Variants in CSMD1 observed in about 807,000 individuals in gnomAD.
The protein encoded by CSMD1 is CUB and Sushi multiple domains 1, also known as CUB and sushi domain-containing protein 1.
CSMD1 carries 213 observed loss-of-function variants against 417.5 expected under a neutral mutation model. The observed-to-expected ratio is 0.51, with a 90% CI of 0.46 to 0.57. CSMD1 has a LOEUF of 0.57. Ranked by LOEUF, CSMD1 falls within the 20% of genes least tolerant of loss-of-function variation. The pLI is 0.00. For synonymous variants in CSMD1, 2,862 were observed against 1,736.8 expected (o/e 1.65, Z -16.11); for missense variants, 6,923 against 4,529.7 (o/e 1.53, Z -15.17).
At chr8:4,606,127 A>G (rs1800855083) in intron 2 of CSMD1, among the ~76,000 whole-genome samples, 1 of 152,192 alleles carries the variant, frequency 6.6e-6, no homozygotes. Context: ...GACTTGCAGG[A>G]TTAATTCACA....
intron 2 of CSMD1, among the ~76,000 whole-genome samples, chr8:4,558,649 C>G (rs1418503406): frequency 6.6e-6 from 1 of 152,040 alleles, no homozygotes; most frequent in African/African-American, 2.4e-5. Context: ...GCTGGATCAT[C>G]TGAGGTCAGG....
Position 4,646,892 on chromosome 8 carries a change from T to C in CSMD1, c.86-9334A>G, listed in dbSNP as rs1298990123. On this transcript the variant is annotated intron_variant, in intron 1 of 69. Coordinates refer to ENST00000635120, the MANE Select transcript of CSMD1 (RefSeq NM_033225.6). ...TGGAGACCTGAATCATGACAAATTA[T>C]GAGCAGATTTTTTTAACCTCATCAA... Among the ~76,000 whole-genome samples the C allele has an allele frequency of 2.6e-5, 4 of 152,194 alleles. No individual in the cohort carries two copies. In the South Asian group the frequency reaches 8.3e-4, roughly 31 times the overall value.
intron 3 of CSMD1, among the ~76,000 whole-genome samples, chr8:4,281,117 TG>T (rs1796757908): frequency 6.6e-6 from 1 of 152,210 alleles, no homozygotes; most frequent in African/African-American, 2.4e-5. Context: ...AGGCCTCTGC[TG>T]GCCCCTAGGT....
chr8:3,045,358 A>G (rs558804725), intron 50 of CSMD1, among the ~76,000 whole-genome samples: 46 of 152,292 alleles, frequency 3.0e-4, no homozygotes, highest in Admixed American at 9.2e-4. Context: ...TAACTTCTTT[A>G]AAGCAATTGT....
intron 36 of CSMD1, among the ~76,000 whole-genome samples, chr8:3,182,158 T>C (rs1023107459): frequency 6.6e-6 from 1 of 152,126 alleles, no homozygotes; most frequent in African/African-American, 2.4e-5. Flanking sequence ...AAGAAATAAG[T>C]TGATAATTAT....
chr8:4,539,824 T>C (rs923123451), intron 2 of CSMD1, among the ~76,000 whole-genome samples: 1 of 152,194 alleles, frequency 6.6e-6, no homozygotes, highest in African/African-American at 2.4e-5. Context: ...AAGCATTATG[T>C]GTATGAAATA....
chr8:3,739,208 C>G (rs750562431), intron 6 of CSMD1, among the ~76,000 whole-genome samples: 5 of 152,176 alleles, frequency 3.3e-5, no homozygotes, highest in Non-Finnish European at 7.3e-5. Flanking sequence ...GCAATCCCCA[C>G]TCCTGTCCTC....
intron 3 of CSMD1, among the ~76,000 whole-genome samples, chr8:4,159,182 C>A (rs145599955): frequency 6.6e-6 from 1 of 152,156 alleles, no homozygotes; most frequent in Admixed American, 6.5e-5. Flanking sequence ...TCCCAAAGTG[C>A]TGGGATTACA....
At chr8:4,448,139 T>G (rs1013995767) in intron 2 of CSMD1, among the ~76,000 whole-genome samples, 6 of 152,236 alleles carry the variant, frequency 3.9e-5, no homozygotes, top group African/African-American at 7.2e-5. Context: ...TTTACCAATG[T>G]GTATCGCTCG....
At chr8:3,879,280 T>A (rs779383167) in intron 5 of CSMD1, among the ~76,000 whole-genome samples, 1 of 152,178 alleles carries the variant, frequency 6.6e-6, no homozygotes, top group East Asian at 1.9e-4. Flanking sequence ...TCAATATGTA[T>A]CAATATCAAA....
intron 50 of CSMD1, among the ~76,000 whole-genome samples, chr8:3,039,291 T>C (rs1377268694): frequency 6.6e-6 from 1 of 151,608 alleles, no homozygotes; most frequent in Admixed American, 6.6e-5. Flanking sequence ...CTTCTTTTCC[T>C]TACTTCCTTC....
chr8:4,671,039 ATT>A (rs1805289716), intron 1 of CSMD1, among the ~76,000 whole-genome samples: 1 of 152,190 alleles, frequency 6.6e-6, no homozygotes, highest in Admixed American at 6.5e-5. Flanking sequence ...TCCACTAATA[ATT>A]CTCAACACAG....
At chr8:3,180,218 A>G (rs750306) in intron 37 of CSMD1, among the ~76,000 whole-genome samples, 6,827 of 152,320 alleles carry the variant, frequency 0.045, 198 homozygotes, top group East Asian at 0.15. Flanking sequence ...GCCAAAAAAG[A>G]TCTGTGAATC....
intron 49 of CSMD1, among the ~76,000 whole-genome samples, chr8:3,083,155 G>T (rs1437819790): frequency 6.6e-6 from 1 of 151,770 alleles, no homozygotes; most frequent in Non-Finnish European, 1.5e-5. Context: ...CACATAAACG[G>T]TGACGATTCT....
intron 2 of CSMD1, among the ~76,000 whole-genome samples, chr8:4,578,332 A>ATT (rs1172600205): frequency 0.025 from 1,231 of 48,746 alleles, 166 homozygotes; most frequent in South Asian, 0.05. Context: ...CACCCGGCTC[A>ATT]TTTTTTTTTT....
chr8:4,212,853 G>A (rs1800404292), intron 3 of CSMD1, among the ~76,000 whole-genome samples: 1 of 144,066 alleles, frequency 6.9e-6, no homozygotes, highest in Non-Finnish European at 1.5e-5. Flanking sequence ...TTCTAGTCCA[G>A]CTTTCCATCC....
intron 26 of CSMD1, among the ~76,000 whole-genome samples, chr8:3,266,397 G>C (rs1018216214): frequency 6.6e-6 from 1 of 151,696 alleles, no homozygotes; most frequent in Non-Finnish European, 1.5e-5. Context: ...CCTGAGACTA[G>C]GAGATTGAGA....
chr8:3,805,449 G>C (rs1292992096), intron 5 of CSMD1, among the ~76,000 whole-genome samples: 1 of 152,250 alleles, frequency 6.6e-6, no homozygotes, highest in Middle Eastern at 3.4e-3. Flanking sequence ...GAGCAGAAAT[G>C]ATCTACTCCC....
intron 49 of CSMD1, among the ~76,000 whole-genome samples, chr8:3,069,541 A>AC (rs1452423992): frequency 6.6e-6 from 1 of 152,052 alleles, no homozygotes; most frequent in Non-Finnish European, 1.5e-5. Flanking sequence ...ACTTCCTTTG[A>AC]CTCTGTCTTA....
Sources: allele counts gnomAD v4.1 joint callset (sites outside exome capture counted in the v4.1 genomes callset), GRCh38; gene constraint gnomAD v4.1.1; transcripts MANE v1.5; gene names NCBI Gene and HGNC (gene_info 2026-07-23, HGNC 2026-07-21).